The following TENM4 variants were observed in gnomAD, a reference collection of about 807,000 sequenced individuals.
TENM4 encodes the protein teneurin-4.
In TENM4, 82 loss-of-function variants were observed where a neutral mutation model predicts 243.3. That is an observed-to-expected ratio of 0.34 (90% CI 0.28 to 0.40). The LOEUF is 0.40. Among genes scored for constraint, TENM4 ranks in the 10% least tolerant of loss-of-function variants. The probability of loss-of-function intolerance (pLI) is 1.00; values close to 1 mark genes in which losing one functional copy is unlikely to be tolerated. For missense variants in TENM4, 3,138 were observed against 3,673.3 expected (o/e 0.85, Z 3.77); for synonymous variants, 1,412 against 1,456.3 (o/e 0.97, Z 0.69).
intron 1 of TENM4, among the ~76,000 whole-genome samples, chr11:79,318,849 C>G (rs1856843885): frequency 6.6e-6 from 1 of 152,110 alleles, no homozygotes; most frequent in Non-Finnish European, 1.5e-5. Context: ...ATGAGGGTCC[C>G]CAAAACTCCA....
intron 1 of TENM4, among the ~76,000 whole-genome samples, chr11:79,347,262 A>G (rs1857340705): frequency 6.6e-6 from 1 of 151,900 alleles, no homozygotes; most frequent in Non-Finnish European, 1.5e-5. Flanking sequence ...TTACCCCCAT[A>G]CCCCACTAGT....
chr11:78,712,850 A>G (rs1590960006), intron 25 of TENM4, 136 bp from the exon 26 acceptor site: 1 of 813,530 alleles, frequency 1.2e-6, no homozygotes, highest in Non-Finnish European at 1.9e-6. Context: ...ATTTTGGGTG[A>G]TGGTTCCCCA....
rs538868708 is a variant in TENM4, at chr11:79,151,473, G to A, written c.-162-2667C>T. The stretch of plus-strand genomic sequence containing the variant: ...CTCTTTGAAAAAATAATCATACTAT[G>A]GTCAAAATTGAAGAAAACTTGCTAG... On this transcript the variant is annotated intron_variant, in intron 3 of 33. Coordinates refer to ENST00000278550, the MANE Select transcript of TENM4 (RefSeq NM_001098816.3). Among the ~76,000 whole-genome samples, 29 of 152,214 alleles carry A rather than the reference G, an allele frequency of 1.9e-4. No homozygotes were observed. The South Asian group carries it at 5.8e-3, about 31-fold the overall frequency.
chr11:79,320,516 T>C (rs984891292), intron 1 of TENM4, among the ~76,000 whole-genome samples: 3 of 152,182 alleles, frequency 2.0e-5, no homozygotes, highest in African/African-American at 7.2e-5. Context: ...AGGGTAACTA[T>C]TGCTATTCCA....
At chr11:78,872,847 A>G (rs1295846442) in intron 9 of TENM4, among the ~76,000 whole-genome samples, 2 of 152,178 alleles carry the variant, frequency 1.3e-5, no homozygotes, top group Non-Finnish European at 2.9e-5. Context: ...TTCATGATCA[A>G]AGTCAATTAG....
intron 6 of TENM4, among the ~76,000 whole-genome samples, chr11:78,935,945 G>C (rs1200793004): frequency 6.6e-6 from 1 of 152,150 alleles, no homozygotes; most frequent in Non-Finnish European, 1.5e-5. Flanking sequence ...AAATAATAGG[G>C]TTGTACAGTG....
At chr11:79,207,128 G>A (rs1026725925) in intron 3 of TENM4, among the ~76,000 whole-genome samples, 1 of 152,166 alleles carries the variant, frequency 6.6e-6, no homozygotes, top group Non-Finnish European at 1.5e-5. Flanking sequence ...GAGCCTGTGG[G>A]GTCGGGGCAG....
At chr11:79,072,011 T>C (rs916350336) in intron 4 of TENM4, among the ~76,000 whole-genome samples, 1 of 152,164 alleles carries the variant, frequency 6.6e-6, no homozygotes, top group Non-Finnish European at 1.5e-5. Flanking sequence ...AATCAAATTA[T>C]ATTACTGAGG....
At chr11:78,796,350 C>A (rs766773329) in intron 15 of TENM4, among the ~76,000 whole-genome samples, 6 of 152,122 alleles carry the variant, frequency 3.9e-5, no homozygotes, top group South Asian at 2.1e-4. Flanking sequence ...AGCCAAATAA[C>A]GAGACTGGGA....
At chr11:78,913,237 T>C (rs1459183697) in intron 6 of TENM4, among the ~76,000 whole-genome samples, 1 of 152,202 alleles carries the variant, frequency 6.6e-6, no homozygotes, top group African/African-American at 2.4e-5. Context: ...TTCTCTGCTT[T>C]CATTTCTTTT....
intron 1 of TENM4, among the ~76,000 whole-genome samples, chr11:79,381,798 A>C (rs760426966): frequency 2.0e-5 from 3 of 152,042 alleles, no homozygotes; most frequent in Non-Finnish European, 4.4e-5. Flanking sequence ...ATTGAGGACC[A>C]GAGAGGTTAG....
chr11:78,889,758 G>T (rs151329403), intron 9 of TENM4, 27 bp downstream of exon 9: 39 of 1,548,434 alleles, frequency 2.5e-5, no homozygotes, highest in Non-Finnish European at 3.1e-5. Context: ...AGAGGAGCAA[G>T]GGGAGCTGGG....
At chr11:79,156,746 A>C (rs906589142) in intron 3 of TENM4, among the ~76,000 whole-genome samples, 3 of 152,200 alleles carry the variant, frequency 2.0e-5, no homozygotes, top group Non-Finnish European at 2.9e-5. Flanking sequence ...TACCAGTCTA[A>C]GGTGCTCTGG....
chr11:78,935,559 G>A (rs1232371912), intron 6 of TENM4, among the ~76,000 whole-genome samples: 1 of 152,170 alleles, frequency 6.6e-6, no homozygotes. Context: ...AGTTCCCACA[G>A]TTTGTGCAAT....
intron 3 of TENM4, among the ~76,000 whole-genome samples, chr11:79,159,253 C>T (rs971243177): frequency 3.9e-5 from 6 of 152,074 alleles, no homozygotes; most frequent in South Asian, 2.1e-4. Flanking sequence ...TTAGTCTACC[C>T]GGACTGCTGT....
intron 30 of TENM4, 114 bp from the exon 31 acceptor site, chr11:78,672,443 A>G: frequency 8.9e-7 from 1 of 1,124,028 alleles, no homozygotes; most frequent in South Asian, 1.5e-5. Flanking sequence ...AGGAGGGAGC[A>G]CAGTCCTGCG....
chr11:79,319,477 A>G (rs961342675), intron 1 of TENM4, among the ~76,000 whole-genome samples: 1 of 152,122 alleles, frequency 6.6e-6, no homozygotes, highest in Non-Finnish European at 1.5e-5. Context: ...AAAAAACCCT[A>G]AAATCTTAAA....
intron 2 of TENM4, among the ~76,000 whole-genome samples, chr11:79,221,612 G>C (rs1353588702): frequency 6.6e-6 from 1 of 151,858 alleles, no homozygotes; most frequent in African/African-American, 2.4e-5. Flanking sequence ...CCCTGTGCGT[G>C]CTCACCCCTG....
intron 6 of TENM4, among the ~76,000 whole-genome samples, chr11:79,004,516 G>A (rs1409615194): frequency 6.6e-6 from 1 of 152,146 alleles, no homozygotes; most frequent in Non-Finnish European, 1.5e-5. Flanking sequence ...AACCTTTTGT[G>A]TAAAGTATGA....
Sources: allele counts gnomAD v4.1 joint callset (sites outside exome capture counted in the v4.1 genomes callset), GRCh38; gene constraint gnomAD v4.1.1; transcripts MANE v1.5; gene names NCBI Gene and HGNC (gene_info 2026-07-23, HGNC 2026-07-21).